Variants in ALK observed in about 807,000 individuals in gnomAD.
ALK encodes the protein ALK tyrosine kinase receptor.
Under a neutral mutation model 163.1 loss-of-function variants are expected in ALK, and 74 were observed. The ratio of observed to expected loss-of-function variants is 0.45; its 90% CI spans 0.38 to 0.55. The LOEUF (loss-of-function observed/expected upper bound fraction) is 0.55. Ranked by LOEUF, ALK falls within the 20% of genes least tolerant of loss-of-function variation. The pLI is 0.00. For missense variants in ALK, 2,063 were observed against 2,105.3 expected (o/e 0.98, Z 0.39); for synonymous variants, 960 against 843.2 (o/e 1.14, Z -2.40).
intron 5 of ALK, among the ~76,000 whole-genome samples, chr2:29,336,168 G>T (rs1667607608): frequency 6.6e-6 from 1 of 152,186 alleles, no homozygotes; most frequent in East Asian, 1.9e-4. Context: ...ATCAGGGATG[G>T]GTTCTTCACC....
intron 1 of ALK, among the ~76,000 whole-genome samples, chr2:29,738,403 T>A (rs1337392969): frequency 6.6e-6 from 1 of 152,078 alleles, no homozygotes; most frequent in Admixed American, 6.5e-5. Context: ...CCTTCCACAT[T>A]TATGTCTTGA....
At chr2:29,293,938 A>G (rs1666109741) in intron 9 of ALK, among the ~76,000 whole-genome samples, 1 of 152,190 alleles carries the variant, frequency 6.6e-6, no homozygotes, top group African/African-American at 2.4e-5. Flanking sequence ...GTGAAGGTTG[A>G]GGAACCTGGG....
intron 5 of ALK, among the ~76,000 whole-genome samples, chr2:29,338,015 C>G (rs1337216298): frequency 1.3e-5 from 2 of 152,106 alleles, no homozygotes; most frequent in African/African-American, 4.8e-5. Flanking sequence ...GTGGACATAA[C>G]AGAATACATG....
chr2:29,788,053 C>T (rs1664088539), intron 1 of ALK, among the ~76,000 whole-genome samples: 1 of 152,218 alleles, frequency 6.6e-6, no homozygotes, highest in Middle Eastern at 3.2e-3. Context: ...TTTCTTGAAA[C>T]AAGCAGTGAT....
chr2:29,285,897 C>A (rs927161224), intron 9 of ALK, among the ~76,000 whole-genome samples: 1 of 152,076 alleles, frequency 6.6e-6, no homozygotes, highest in African/African-American at 2.4e-5. Flanking sequence ...TTCCTAAATC[C>A]AAAACACCTG....
chr2:29,646,757 A>AT (rs1182787800), intron 3 of ALK, among the ~76,000 whole-genome samples: 3 of 152,028 alleles, frequency 2.0e-5, no homozygotes, highest in African/African-American at 7.2e-5. Flanking sequence ...CTTTGTTCAA[A>AT]TTTCTCTGTC....
intron 1 of ALK, among the ~76,000 whole-genome samples, chr2:29,795,316 C>T (rs975662478): frequency 4.6e-5 from 7 of 152,112 alleles, no homozygotes; most frequent in African/African-American, 1.4e-4. Flanking sequence ...AAATAATATG[C>T]AGTTCTGGCA....
At chr2:29,868,549 A>G (rs1321147010) in intron 1 of ALK, among the ~76,000 whole-genome samples, 1 of 152,212 alleles carries the variant, frequency 6.6e-6, no homozygotes, top group Non-Finnish European at 1.5e-5. Context: ...GTCGGTCAGG[A>G]GAGACCTCAC....
At chr2:29,462,971 AATG>A (rs1407906475) in intron 4 of ALK, among the ~76,000 whole-genome samples, 3 of 152,228 alleles carry the variant, frequency 2.0e-5, no homozygotes, top group Non-Finnish European at 4.4e-5. Flanking sequence ...GAAATAATAA[AATG>A]ATGATCCAAA....
chr2:29,278,829 G>T (rs777916932), intron 9 of ALK, among the ~76,000 whole-genome samples: 11 of 152,176 alleles, frequency 7.2e-5, no homozygotes, highest in Non-Finnish European at 1.3e-4. Flanking sequence ...CCCCCACAGG[G>T]CACATTTCTC....
intron 1 of ALK, among the ~76,000 whole-genome samples, chr2:29,847,569 T>C (rs1269601130): frequency 1.3e-5 from 2 of 152,084 alleles, no homozygotes; most frequent in African/African-American, 4.8e-5. Context: ...AAAGCCTAAA[T>C]TGAGTTTGTG....
chr2:29,680,599 C>A (rs1040453978), intron 3 of ALK, among the ~76,000 whole-genome samples: 5 of 152,044 alleles, frequency 3.3e-5, no homozygotes, highest in African/African-American at 1.2e-4. Flanking sequence ...TGTTGTCATG[C>A]TGTTCTTTAT....
chr2:29,370,965 C>T (rs536785245), intron 5 of ALK, among the ~76,000 whole-genome samples: 17 of 152,302 alleles, frequency 1.1e-4, no homozygotes, highest in African/African-American at 4.1e-4. Flanking sequence ...GTTTGTTAAT[C>T]GTTTTGTAGA....
intron 1 of ALK, among the ~76,000 whole-genome samples, chr2:29,750,019 C>G (rs1362174401): frequency 2.6e-5 from 4 of 152,156 alleles, no homozygotes; most frequent in Non-Finnish European, 4.4e-5. Flanking sequence ...GAAGGAACAG[C>G]CTAGAGATGC....
chr2:29,722,846 G>A (rs138261724), intron 1 of ALK, among the ~76,000 whole-genome samples: 55 of 152,030 alleles, frequency 3.6e-4, no homozygotes, highest in Non-Finnish European at 2.9e-4. Flanking sequence ...CTAAACCCCA[G>A]GTATTCCCCA....
chr2:29,919,402 T>G (rs773864525), intron 1 of ALK, among the ~76,000 whole-genome samples: 1 of 137,634 alleles, frequency 7.3e-6, no homozygotes, highest in Non-Finnish European at 1.5e-5. Context: ...AGAGAAAGGA[T>G]GAGTCGAGAG....
chr2:29,428,234 C>A (rs1406493869), intron 4 of ALK, among the ~76,000 whole-genome samples: 1 of 151,650 alleles, frequency 6.6e-6, no homozygotes, highest in East Asian at 1.9e-4. Flanking sequence ...AAAATAAGAG[C>A]AAACTAAAAC....
rs1161936241 is a variant in ALK at position 29,830,955 on chromosome 2, A to AAAGAAGAAGAAGAAGAAGAAGAAG, written c.667+89014_667+89037dup. ...GAAGAAGAAGAAGAAAAGAAGAAGA[A>AAAGAAGAAGAAGAAGAAGAAGAAG]AAGAAGAAGAAGAAGAAGAAGAAGA... On this transcript the variant is annotated intron_variant, in intron 1 of 28. Coordinates refer to ENST00000389048, the MANE Select transcript of ALK (RefSeq NM_004304.5). Among the ~76,000 whole-genome samples the AAAGAAGAAGAAGAAGAAGAAGAAG allele has an allele frequency of 1.9e-3, 53 of 27,744 alleles. 3 individuals are homozygous for AAAGAAGAAGAAGAAGAAGAAGAAG. The highest frequency in any genetic ancestry group is 5.8e-3 in the African/African-American group (49 of 8,410). The allele number at this position is 27,744 out of a possible 152,430, so 18.2% of individuals were successfully genotyped here. A position where few individuals can be genotyped will look rare whatever the true frequency, so the allele number is the denominator to read the frequency against.
intron 4 of ALK, among the ~76,000 whole-genome samples, chr2:29,401,468 A>G (rs1433877119): frequency 2.0e-5 from 3 of 152,186 alleles, no homozygotes; most frequent in African/African-American, 7.2e-5. Flanking sequence ...CAGTATATGC[A>G]TTTGCCTGTT....
Sources: allele counts gnomAD v4.1 joint callset (sites outside exome capture counted in the v4.1 genomes callset), GRCh38; gene constraint gnomAD v4.1.1; transcripts MANE v1.5; gene names NCBI Gene and HGNC (gene_info 2026-07-23, HGNC 2026-07-21).